TTLL11: variants seen among roughly 807,000 people sequenced by gnomAD.
TTLL11 encodes the protein tubulin polyglutamylase TTLL11.
A neutral mutation model predicts 51.7 loss-of-function variants in TTLL11; 42 were observed. That is an observed-to-expected ratio of 0.81 (90% CI 0.64 to 1.05). The LOEUF is 1.05. TTLL11 is among the 50% of genes least tolerant of loss of function. TTLL11 has a pLI of 0.00. For synonymous variants in TTLL11, 381 were observed against 383.5 expected, an observed-to-expected ratio of 0.99 and a Z score of 0.08; for missense variants, 799 against 940.4, an observed-to-expected ratio of 0.85 and a Z score of 1.97.
chr9:122,010,942 T>G (rs1843775582), intron 3 of TTLL11, among the ~76,000 whole-genome samples: 1 of 152,212 alleles, frequency 6.6e-6, no homozygotes, highest in South Asian at 2.1e-4. Context: ...GCATGGCACT[T>G]GAACTCTCTA....
chr9:121,847,846 C>T (rs927995397), intron 8 of TTLL11, among the ~76,000 whole-genome samples: 1 of 152,126 alleles, frequency 6.6e-6, no homozygotes, highest in Non-Finnish European at 1.5e-5. Context: ...AATGATATTA[C>T]CAGAAAGAAA....
intron 6 of TTLL11, among the ~76,000 whole-genome samples, chr9:121,930,634 G>A (rs927976696): frequency 1.7e-4 from 26 of 152,180 alleles, no homozygotes; most frequent in African/African-American, 5.8e-4. Flanking sequence ...CAGTGGCAGC[G>A]TCCTGGGCCA....
rs746123528 is a variant in TTLL11 at position 122,093,059 on chromosome 9, G to C, written c.90C>G (p.Ala30=). Residue 30 remains alanine, a synonymous_variant, in exon 1 of 9, where the codon GCC becomes GCG. Transcript: ENST00000321582. ...CCGCCACCGTCTCCGCTGTGGCCTC[G>C]GCCTCAGCTTTGGCCGCCGCTTTGG... is the stretch of plus-strand genomic sequence containing the variant. The part of the protein sequence containing the change: ...AAAKAAAKAE[A]EATAETVAEQ... 1.3e-6 allele frequency: 2 copies of C among 1,513,866 alleles called. No individual in the cohort carries two copies. The highest frequency in any genetic ancestry group is 2.0e-5 in the Admixed American group (1 of 49,058). The allele number at this position is 1,513,866 out of a possible 1,614,324, so 93.8% of individuals were successfully genotyped here.
At chr9:122,069,178 A>C (rs1178924105) in intron 1 of TTLL11, among the ~76,000 whole-genome samples, 1 of 151,658 alleles carries the variant, frequency 6.6e-6, no homozygotes, top group East Asian at 1.9e-4. Context: ...ACAAATCAAC[A>C]TTGAGCAACT....
At chr9:122,042,338 A>G (rs1844869900) in intron 1 of TTLL11, among the ~76,000 whole-genome samples, 1 of 152,238 alleles carries the variant, frequency 6.6e-6, no homozygotes, top group South Asian at 2.1e-4. Context: ...AAACAAAGCT[A>G]CAGTAATCAA....
chr9:121,919,412 A>C (rs1011319218), intron 6 of TTLL11, among the ~76,000 whole-genome samples: 13 of 152,228 alleles, frequency 8.5e-5, no homozygotes, highest in African/African-American at 2.9e-4. Flanking sequence ...GAACATGGAA[A>C]TAGGAGGAAA....
At chr9:121,885,293 G>A (rs1588094303) in intron 6 of TTLL11, 1 of 152,142 alleles carries the variant, frequency 6.6e-6, no homozygotes. Context: ...AGTCAGCTTC[G>A]GATTCTCCCT....
chr9:122,012,039 A>G (rs569289728), intron 3 of TTLL11, among the ~76,000 whole-genome samples: 1 of 152,194 alleles, frequency 6.6e-6, no homozygotes, highest in African/African-American at 2.4e-5. Flanking sequence ...TCAAATCTCT[A>G]CTTTGCTTTG....
chr9:121,829,268 A>T (rs115132033), intron 8 of TTLL11, among the ~76,000 whole-genome samples: 2,469 of 152,162 alleles, frequency 0.016, 85 homozygotes, highest in African/African-American at 0.057. Flanking sequence ...CCCTGTCTTC[A>T]AAAAAATTTT....
chr9:121,866,429 G>A (rs992831469), intron 7 of TTLL11, among the ~76,000 whole-genome samples: 7 of 152,116 alleles, frequency 4.6e-5, no homozygotes, highest in African/African-American at 1.7e-4. Flanking sequence ...GGAGGCTGAG[G>A]CGGGTGGATC....
chr9:121,960,730 G>A (rs184966638), intron 6 of TTLL11, among the ~76,000 whole-genome samples: 17 of 152,254 alleles, frequency 1.1e-4, no homozygotes, highest in Admixed American at 9.2e-4. Flanking sequence ...GAGGCATGGC[G>A]CAGTCCGGGG....
chr9:121,964,184 G>T (rs1408100372), intron 6 of TTLL11, among the ~76,000 whole-genome samples: 3 of 151,846 alleles, frequency 2.0e-5, no homozygotes, highest in African/African-American at 7.3e-5. Flanking sequence ...AAAAAAAAAG[G>T]TTTCGAATAC....
chr9:121,969,878 T>C (rs1842507250), intron 6 of TTLL11, among the ~76,000 whole-genome samples: 1 of 152,356 alleles, frequency 6.6e-6, no homozygotes, highest in East Asian at 1.9e-4. Context: ...TTCTGAAACA[T>C]TTCTACGCAA....
intron 6 of TTLL11, among the ~76,000 whole-genome samples, chr9:121,947,386 C>A (rs573244488): frequency 6.6e-6 from 1 of 152,248 alleles, no homozygotes; most frequent in Admixed American, 6.5e-5. Context: ...CAGGAAGCAG[C>A]TGTATCATGC....
chr9:122,017,548 C>T (rs1263623837), intron 3 of TTLL11, among the ~76,000 whole-genome samples: 1 of 150,838 alleles, frequency 6.6e-6, no homozygotes, highest in Non-Finnish European at 1.5e-5. Flanking sequence ...CTGCAACCTC[C>T]GTCTTCCTGT....
chr9:121,886,975 C>T (rs868157066), intron 6 of TTLL11, among the ~76,000 whole-genome samples: 19 of 152,240 alleles, frequency 1.2e-4, no homozygotes, highest in Middle Eastern at 3.4e-3. Flanking sequence ...GTGGGATGAA[C>T]GGGCAGCCAG....
intron 7 of TTLL11, among the ~76,000 whole-genome samples, chr9:121,870,140 C>T (rs1424599842): frequency 6.6e-6 from 1 of 152,160 alleles, no homozygotes; most frequent in African/African-American, 2.4e-5. Flanking sequence ...TTCACGAACG[C>T]CAAACACACA....
At chr9:121,991,452 T>C (rs745918644) in intron 3 of TTLL11, among the ~76,000 whole-genome samples, 2 of 152,192 alleles carry the variant, frequency 1.3e-5, no homozygotes, top group African/African-American at 4.8e-5. Flanking sequence ...GACGTTTATG[T>C]AGTTATTTAA....
intron 6 of TTLL11, among the ~76,000 whole-genome samples, chr9:121,874,083 C>A (rs746448745): frequency 3.9e-5 from 6 of 151,996 alleles, no homozygotes; most frequent in East Asian, 1.9e-4. Context: ...TCTCTAACTC[C>A]TGACCTCAAG....
Sources: gnomAD v4.1 joint callset for allele counts (sites outside exome capture counted in the v4.1 genomes callset) on GRCh38, gnomAD v4.1.1 for gene constraint, MANE v1.5 for transcripts, NCBI Gene and HGNC (gene_info 2026-07-23, HGNC 2026-07-21) for gene names.